The following ATR variants were observed in gnomAD, a reference collection of about 807,000 sequenced individuals.
ATR encodes ATR checkpoint kinase.
In ATR, 142 loss-of-function variants were observed where a neutral mutation model predicts 305.3. The ratio of observed to expected loss-of-function variants is 0.47; its 90% confidence interval spans 0.41 to 0.53. The LOEUF is 0.53. ATR is among the 20% of genes least tolerant of loss of function. ATR has a pLI of 0.00. For synonymous variants in ATR, 1,050 were observed against 1,068.1 expected (o/e 0.98, Z 0.33); for missense variants, 2,135 against 3,133.1 (o/e 0.68, Z 7.60).
chr3:142,568,929 A>T (rs921376075), intron 1 of ATR, among the ~76,000 whole-genome samples: 1 of 152,168 alleles, frequency 6.6e-6, no homozygotes, highest in African/African-American at 2.4e-5. Flanking sequence ...ATGGGCCTGC[A>T]GGCGCCCCTC....
chr3:142,501,473 G>A (rs1292683362), intron 30 of ATR, among the ~76,000 whole-genome samples: 1 of 152,118 alleles, frequency 6.6e-6, no homozygotes, highest in African/African-American at 2.4e-5. Context: ...ATTGTAAAAT[G>A]ATAGTCTTTA....
intron 21 of ATR, among the ~76,000 whole-genome samples, chr3:142,531,930 T>G (rs1469209481): frequency 6.6e-6 from 1 of 152,250 alleles, no homozygotes; most frequent in Non-Finnish European, 1.5e-5. Flanking sequence ...GTTTCCTGAC[T>G]TTTTAATGAT....
At chr3:142,519,040 A>G (rs920807261) in intron 24 of ATR, among the ~76,000 whole-genome samples, 8 of 152,178 alleles carry the variant, frequency 5.3e-5, no homozygotes, top group African/African-American at 1.9e-4. Context: ...TTTCTGTATT[A>G]CTTATACCTA....
chr3:142,456,311 T>G (rs1316899246), intron 45 of ATR, among the ~76,000 whole-genome samples: 1 of 152,246 alleles, frequency 6.6e-6, no homozygotes, highest in Non-Finnish European at 1.5e-5. Flanking sequence ...CTCATGCCTA[T>G]AATCCCAGCA....
rs1337661058 is a variant in ATR at position 142,558,642 on chromosome 3, T to C, written c.1867A>G (p.Arg623Gly). The C allele has an allele frequency of 6.2e-7, 1 of 1,612,876 alleles. No individual in the cohort carries two copies. The highest frequency in any genetic ancestry group is 2.2e-5 in the East Asian group (1 of 44,734). The change falls in exon 8 of 47, where the codon AGG (arginine) becomes GGG (glycine). Residue 623 changes from arginine (R) to glycine (G), a missense_variant. Arg to Gly is a moderately radical substitution (Grantham distance 125). Coordinates refer to ENST00000350721, the MANE Select transcript of ATR (RefSeq NM_001184.4). ...FAANLLTLSCRISDSYSPQAQ... is the reference protein window; with the variant it reads ...FAANLLTLSCGISDSYSPQAQ... The stretch of plus-strand genomic sequence containing the variant: ...CACTTACAATAGCTATCTGAAATCC[T>C]ACAGCTTAATGTTAGAAGATTAGCG...
At position 142,553,327 on chromosome 3, in the gene ATR, G is replaced by C. The variant is rs367926815; in HGVS notation, c.2705C>G (p.Ser902Cys). ...TTCTGTGTATGCTGCTCCAGAGACA[G>C]ATGCTGACTTGGATAACAAACAATG... ...LLHCLLSKSA[S>C]VSGAAYTEIR... is the part of the protein sequence containing the mutation. Residue 902 changes from serine (S) to cysteine (C), a missense_variant, in exon 13 of 47, where the codon TCT becomes TGT. Coordinates refer to ENST00000350721, the MANE Select transcript of ATR (RefSeq NM_001184.4). The C allele has an allele frequency of 6.3e-5, 101 of 1,613,912 alleles. No individual in the cohort carries two copies. Among genetic ancestry groups the C allele is most frequent in the Non-Finnish European group, 8.2e-5 (97 of 1,179,982 alleles).
At chr3:142,515,245 A>T in intron 25 of ATR, 150 bp downstream of exon 25, 1 of 1,014,836 alleles carries the variant, frequency 9.9e-7, no homozygotes, top group Non-Finnish European at 1.4e-6. Flanking sequence ...AGAAATTATT[A>T]TTCTCTATTA....
At chr3:142,558,307 G>C (rs566549528) in intron 8 of ATR, among the ~76,000 whole-genome samples, 7 of 152,094 alleles carry the variant, frequency 4.6e-5, no homozygotes, top group Admixed American at 4.6e-4. Flanking sequence ...TGGATCACTT[G>C]AGGTCAGGAG....
Position 142,483,190 on chromosome 3 carries a change from T to C in ATR, c.6221+1950A>G, listed in dbSNP as rs191593876. ...GTGGCTTACAGATATTGCTTTAATT[T>C]CTGAAAATATTTAACTGAGAAGTCA... On this transcript the variant is annotated intron_variant, in intron 36 of 46. Transcript: ENST00000350721. Among the ~76,000 whole-genome samples, 4 of 150,932 alleles carry C rather than the reference T, an allele frequency of 2.7e-5. No homozygotes were observed. In the East Asian group the frequency reaches 7.7e-4, roughly 29 times the overall value.
intron 8 of ATR, 39 bp downstream of exon 8, chr3:142,558,585 A>ATAGATAGATAG (rs762499498): frequency 2.4e-5 from 35 of 1,447,528 alleles, no homozygotes; most frequent in Admixed American, 3.6e-5. Context: ...TAGATAGATA[A>ATAGATAGATAG]ATAAAACAAA....
chr3:142,504,833 G>A (rs374397341), intron 29 of ATR, among the ~76,000 whole-genome samples: 1 of 152,114 alleles, frequency 6.6e-6, no homozygotes, highest in Non-Finnish European at 1.5e-5. Context: ...AGCTTAGAGA[G>A]GGTTAAATAT....
chr3:142,467,969 G>A lies in ATR; in HGVS notation c.6652C>T (p.Leu2218=). ...CACAATTCTAGAAGCTTATCTGTTAGGCGAGTTGCATCTCCAACAAACTTC... is the reference window on the plus strand; with the variant it reads ...CACAATTCTAGAAGCTTATCTGTTAAGCGAGTTGCATCTCCAACAAACTTC... ...LEKFVGDATR[L]TDKLLELCNK... The change falls in exon 39 of 47, where the codon CTA becomes TTA. Residue 2218 remains leucine (L), a synonymous_variant. Transcript: ENST00000350721. 1.2e-6 allele frequency: 2 copies of A among 1,612,926 alleles called. No homozygotes were observed. Among genetic ancestry groups the A allele is most frequent in the Non-Finnish European group, 1.7e-6 (2 of 1,179,454 alleles).
intron 10 of ATR, 133 bp downstream of exon 10, chr3:142,555,744 C>T: frequency 2.7e-6 from 3 of 1,123,212 alleles, no homozygotes; most frequent in Non-Finnish European, 3.7e-6. Context: ...TATAACTAAT[C>T]AATACTGAGC....
In ATR at chr3:142,536,982, A is replaced by G. The variant is rs957876982; in HGVS notation, c.3726-781T>C. 3.3e-5 allele frequency among the ~76,000 whole-genome samples: 5 copies of G among 152,196 alleles called. No individual in the cohort carries two copies. In the East Asian group the frequency reaches 9.6e-4, roughly 29 times the overall value. On this transcript the variant is annotated intron_variant, in intron 19 of 46. Coordinates refer to ENST00000350721, the MANE Select transcript of ATR (RefSeq NM_001184.4). Reference sequence around the variant, plus strand: ...TGCTCTAATCTTTCTGGGTCCAAATATAAGCATTTCTAAATCCTAGTCTTC... The same window carrying G: ...TGCTCTAATCTTTCTGGGTCCAAATGTAAGCATTTCTAAATCCTAGTCTTC...
intron 10 of ATR, 52 bp from the exon 11 acceptor site, chr3:142,554,067 T>G: frequency 7.0e-7 from 1 of 1,430,360 alleles, no homozygotes; most frequent in Non-Finnish European, 9.5e-7. Context: ...ATGTCAAGGT[T>G]GTACTGTAAA....
intron 6 of ATR, 36 bp from the exon 7 acceptor site, chr3:142,559,477 T>A (rs2108480792): frequency 6.3e-7 from 1 of 1,591,636 alleles, no homozygotes; most frequent in Non-Finnish European, 8.6e-7. Context: ...ACATTGGAAT[T>A]AAGATGAATT....
At chr3:142,531,318 A>T (rs1355509604) in intron 21 of ATR, among the ~76,000 whole-genome samples, 1 of 151,740 alleles carries the variant, frequency 6.6e-6, no homozygotes, top group African/African-American at 2.4e-5. Flanking sequence ...GGTTTGTTAC[A>T]TATGTATACA....
intron 19 of ATR, among the ~76,000 whole-genome samples, chr3:142,536,517 A>C (rs1454464994): frequency 6.6e-6 from 1 of 152,208 alleles, no homozygotes; most frequent in East Asian, 1.9e-4. Flanking sequence ...AGACTGTGGC[A>C]GAAGATATAC....
Position 142,449,604 on chromosome 3 carries a change from T to G in ATR, c.7762-2A>C, listed in dbSNP as rs761588508. ...AATGTCAAGAACATGGGTCTTGGCCTAAAAAGAAGAAACATAAAACCAAAA... is the reference window on the plus strand; with the variant it reads ...AATGTCAAGAACATGGGTCTTGGCCGAAAAAGAAGAAACATAAAACCAAAA... On this transcript the variant is annotated splice_acceptor_variant, in intron 46 of 46. Coordinates refer to ENST00000350721, the MANE Select transcript of ATR (RefSeq NM_001184.4). LOFTEE classifies it high-confidence loss of function. 3 of 1,613,808 alleles carry G rather than the reference T, an allele frequency of 1.9e-6. No homozygotes were observed. The African/African-American group carries it at 4.0e-5, about 22-fold the overall frequency.
Sources: gnomAD v4.1 joint callset for allele counts (sites outside exome capture counted in the v4.1 genomes callset) on GRCh38, gnomAD v4.1.1 for gene constraint, MANE v1.5 for transcripts, NCBI Gene and HGNC (gene_info 2026-07-23, HGNC 2026-07-21) for gene names.